Variants in SEC14L1 observed in about 807,000 individuals in gnomAD.
SEC14L1 encodes SEC14-like protein 1.
Under a neutral mutation model 85.3 loss-of-function variants are expected in SEC14L1, and 48 were observed. That is an observed-to-expected ratio of 0.56 (90% confidence interval 0.45 to 0.72). The LOEUF (loss-of-function observed/expected upper bound fraction) is 0.72, where lower values mean the gene tolerates loss of function less well. Among genes scored for constraint, SEC14L1 ranks in the 30% least tolerant of loss-of-function variants. SEC14L1 has a pLI of 0.00. For synonymous variants in SEC14L1, 391 were observed against 355.5 expected (o/e 1.10, Z -1.12); for missense variants, 682 against 921.4 (o/e 0.74, Z 3.36).
chr17:77,137,046 A>T (rs1972820592), upstream of SEC14L1, among the ~76,000 whole-genome samples: 1 of 151,386 alleles, frequency 6.6e-6, no homozygotes, highest in African/African-American at 2.4e-5. Flanking sequence ...AGTAGCTGGG[A>T]TTATAGGCAT....
intron 3 of SEC14L1, among the ~76,000 whole-genome samples, chr17:77,102,722 TCA>T: frequency 6.6e-6 from 1 of 152,156 alleles, no homozygotes; most frequent in East Asian, 1.9e-4. Flanking sequence ...CAGGCTGGTC[TCA>T]AGCTCCTGAC....
At chr17:77,108,357 T>G (rs937659978) in intron 3 of SEC14L1, among the ~76,000 whole-genome samples, 3 of 152,100 alleles carry the variant, frequency 2.0e-5, no homozygotes, top group Non-Finnish European at 4.4e-5. Context: ...TCTGGACAGT[T>G]GGGAGGTGGC....
rs1487636562 is a variant in SEC14L1, at chr17:77,206,277, G to A, written c.1218G>A (p.Leu406=). 3 of 1,614,072 alleles carry A rather than the reference G, an allele frequency of 1.9e-6. No homozygotes were observed. The African/African-American group carries it at 4.0e-5, about 22-fold the overall frequency. ...TGGAAGGGCTGAACATGCGCCACTT[G>A]TGGAGACCTGGTGTGAAAGCGCTGC... ...VDLEGLNMRH[L]WRPGVKALLR... Residue 406 remains leucine, a synonymous_variant, in exon 12 of 17, where the codon TTG becomes TTA. Transcript: ENST00000436233. This position sits in a 1 kb window ranked among gnomAD's most constrained non-coding sequence, Gnocchi z 4.3.
intron 3 of SEC14L1, among the ~76,000 whole-genome samples, chr17:77,130,852 C>A (rs556750035): frequency 6.6e-6 from 1 of 151,922 alleles, no homozygotes; most frequent in Non-Finnish European, 1.5e-5. Flanking sequence ...GGGATCCGCC[C>A]GCCTCGACTT....
rs539446606 is a variant in SEC14L1, at chr17:77,157,054, A to G, written c.63+13395A>G. Among the ~76,000 whole-genome samples, 242 of 152,368 alleles carry G rather than the reference A, an allele frequency of 1.6e-3. 1 individual carries two copies. The highest frequency in any genetic ancestry group is 2.3e-3 in the Non-Finnish European group (155 of 68,040). ...AAATTTAAAACCCAAGAGTTATTACATAATTCTTGTTTTCTTAATAAATAA... is the reference window on the plus strand; with the variant it reads ...AAATTTAAAACCCAAGAGTTATTACGTAATTCTTGTTTTCTTAATAAATAA... On this transcript the variant is annotated intron_variant, in intron 3 of 16. Coordinates refer to ENST00000436233, the MANE Select transcript of SEC14L1 (RefSeq NM_001143998.2).
At chr17:77,212,286 C>T in intron 15 of SEC14L1, 85 bp downstream of exon 15, 1 of 1,545,090 alleles carries the variant, frequency 6.5e-7, no homozygotes, top group Non-Finnish European at 8.8e-7. Context: ...TTGCTTCGCT[C>T]CTTGAGCAGC....
At chr17:77,162,934 A>G (rs552393767) in intron 3 of SEC14L1, among the ~76,000 whole-genome samples, 2 of 152,278 alleles carry the variant, frequency 1.3e-5, no homozygotes, top group African/African-American at 2.4e-5. Flanking sequence ...ACCTAAAACT[A>G]TATCATGTTT....
chr17:77,203,756 T>C (rs1567931672), intron 10 of SEC14L1, 98 bp downstream of exon 10: 1 of 849,874 alleles, frequency 1.2e-6, no homozygotes, highest in Non-Finnish European at 1.9e-6. Context: ...AGAACAAACA[T>C]GAATTGCTTA....
chr17:77,141,162 C>G (rs1005943027), intron 1 of SEC14L1, 55 bp downstream of exon 1: 1 of 151,922 alleles, frequency 6.6e-6, no homozygotes, highest in Non-Finnish European at 1.5e-5. Flanking sequence ...TCCCGGTCTC[C>G]GTGGAGTCCG....
At position 77,213,497 on chromosome 17, in the gene SEC14L1, G is replaced by A. The variant is rs376724377; in HGVS notation, c.2042+5G>A. The A allele has an allele frequency of 1.9e-6, 3 of 1,605,486 alleles. No homozygotes were observed. The highest frequency in any genetic ancestry group is 2.5e-6 in the Non-Finnish European group (3 of 1,179,932). ...GATCGGCTCGGAGGATTTCAGGTGC[G>A]GCCACCCTCGCCACAGCAGGTGCTG... On this transcript the variant is annotated splice_donor_5th_base_variant and intron_variant, in intron 16 of 16. Transcript: ENST00000436233. The surrounding 1 kb of genome is among the most constrained non-coding windows in gnomAD (Gnocchi z 7.1).
intron 3 of SEC14L1, among the ~76,000 whole-genome samples, chr17:77,130,715 G>A (rs1027744956): frequency 6.6e-6 from 1 of 152,074 alleles, no homozygotes; most frequent in African/African-American, 2.4e-5. Context: ...CCTCTCCCGG[G>A]GTCAAGTGAG....
chr17:77,136,765 G>A (rs1972811789), upstream of SEC14L1, among the ~76,000 whole-genome samples: 1 of 152,182 alleles, frequency 6.6e-6, no homozygotes, highest in South Asian at 2.1e-4. Flanking sequence ...AAGACACACT[G>A]TGGTAATGGC....
intron 3 of SEC14L1, 151 bp downstream of exon 3, chr17:77,143,810 A>G (rs1293955009): frequency 6.1e-6 from 3 of 493,762 alleles, no homozygotes; most frequent in South Asian, 4.0e-5. Flanking sequence ...TAGAGTGTGT[A>G]AAATGTTTTT....
chr17:77,215,143 TAGTTTG>T lies in SEC14L1; in HGVS notation c.*1124_*1129del, dbSNP rs1258974224. On this transcript the variant is annotated 3_prime_UTR_variant, in exon 17 of 17. Coordinates refer to ENST00000436233, the MANE Select transcript of SEC14L1 (RefSeq NM_001143998.2). ...TGGGGGGACGGGGTGAGTGGAAACT[TAGTTTG>T]AGTAATGAAGGAATCTTCACAGAAG... 9 of 985,162 alleles carry T rather than the reference TAGTTTG, an allele frequency of 9.1e-6. 1 individual carries two copies. In the African/African-American group the frequency reaches 1.4e-4, roughly 15 times the overall value. 61.0% of individuals were successfully genotyped at this position (985,162 alleles called of 1,614,324 possible).
At chr17:77,201,004 T>G (rs1976110514) in intron 9 of SEC14L1, among the ~76,000 whole-genome samples, 1 of 152,244 alleles carries the variant, frequency 6.6e-6, no homozygotes, top group South Asian at 2.1e-4. Flanking sequence ...GGCAGAGTAT[T>G]TTCAGTAGTG....
intron 3 of SEC14L1, among the ~76,000 whole-genome samples, chr17:77,173,194 T>C (rs1329531047): frequency 6.6e-6 from 1 of 152,162 alleles, no homozygotes; most frequent in Non-Finnish European, 1.5e-5. Flanking sequence ...GAGGGGCACT[T>C]CCCTTAAGGG....
intron 4 of SEC14L1, 108 bp downstream of exon 4, chr17:77,191,060 C>G: frequency 6.6e-7 from 1 of 1,525,952 alleles, no homozygotes; most frequent in South Asian, 1.2e-5. Flanking sequence ...AGGGAGAGGG[C>G]GTCCTGGAGG....
intron 9 of SEC14L1, among the ~76,000 whole-genome samples, chr17:77,200,918 A>G (rs752098553): frequency 1.3e-5 from 2 of 152,248 alleles, no homozygotes; most frequent in Non-Finnish European, 1.5e-5. Context: ...GACACACGTC[A>G]TCCTTGGGCA....
At chr17:77,109,821 G>A (rs894571982) in intron 3 of SEC14L1, among the ~76,000 whole-genome samples, 1 of 152,096 alleles carries the variant, frequency 6.6e-6, no homozygotes, top group African/African-American at 2.4e-5. Flanking sequence ...AGCCACTAGA[G>A]TCCCCAGCCT....
Sources: allele counts gnomAD v4.1 joint callset (sites outside exome capture counted in the v4.1 genomes callset), GRCh38; gene constraint gnomAD v4.1.1; non-coding constraint Gnocchi (gnomAD v3.1); transcripts MANE v1.5; gene names NCBI Gene and HGNC (gene_info 2026-07-23, HGNC 2026-07-21).